Variants in ZNF423 observed in about 807,000 individuals in gnomAD.
The protein encoded by ZNF423 is Ebf-associated zinc finger protein.
Under a neutral mutation model 95.8 loss-of-function variants are expected in ZNF423, and 12 were observed. The observed-to-expected ratio is 0.13, with a 90% CI of 0.08 to 0.20. The LOEUF is 0.20. Ranked by LOEUF, ZNF423 falls within the 10% of genes least tolerant of loss-of-function variation. ZNF423 has a pLI of 1.00. For synonymous variants in ZNF423, 749 were observed against 711.9 expected (o/e 1.05, Z -0.83); for missense variants, 1,316 against 1,737.1 (o/e 0.76, Z 4.31).
chr16:49,574,697 GCCAGCTGCAC>G (rs1970443736), intron 5 of ZNF423, among the ~76,000 whole-genome samples: 1 of 151,128 alleles, frequency 6.6e-6, no homozygotes, highest in Admixed American at 6.6e-5. Flanking sequence ...TCCGCCTACA[GCCAGCTGCAC>G]TCCAGGTCGT....
At chr16:49,518,168 T>C in intron 7 of ZNF423, 1 of 386,276 alleles carries the variant, frequency 2.6e-6, no homozygotes, top group Non-Finnish European at 5.1e-6. Context: ...GATATTTGCA[T>C]CCTTGGAATC....
chr16:49,799,444 A>G (rs559014237), intron 1 of ZNF423, among the ~76,000 whole-genome samples: 2 of 150,184 alleles, frequency 1.3e-5, no homozygotes, highest in Admixed American at 6.7e-5. Context: ...ATGCCCAGCT[A>G]GAGCCACAGA....
chr16:49,631,826 C>T (rs1238733532), intron 4 of ZNF423, among the ~76,000 whole-genome samples: 1 of 152,226 alleles, frequency 6.6e-6, no homozygotes, highest in African/African-American at 2.4e-5. Context: ...CACAAACCCT[C>T]TGCAAGCTCC....
At chr16:49,538,650 C>A (rs1008585850) in intron 5 of ZNF423, among the ~76,000 whole-genome samples, 1 of 152,084 alleles carries the variant, frequency 6.6e-6, no homozygotes, top group African/African-American at 2.4e-5. Flanking sequence ...TTGGCCGCAC[C>A]CAGCTTCCTC....
At chr16:49,772,479 CTGACACA>C (rs1466709392) in intron 2 of ZNF423, among the ~76,000 whole-genome samples, 1 of 152,266 alleles carries the variant, frequency 6.6e-6, no homozygotes, top group Non-Finnish European at 1.5e-5. Context: ...CACACCTGCC[CTGACACA>C]TTGGTCCAAG....
At chr16:49,814,510 G>A (rs547960313) in intron 1 of ZNF423, among the ~76,000 whole-genome samples, 9 of 151,750 alleles carry the variant, frequency 5.9e-5, no homozygotes, top group Admixed American at 1.3e-4. Context: ...GGACAGGATC[G>A]GAGGGCAAGC....
intron 1 of ZNF423, among the ~76,000 whole-genome samples, chr16:49,832,268 G>A (rs530162317): frequency 1.6e-4 from 24 of 152,310 alleles, no homozygotes; most frequent in African/African-American, 5.1e-4. Context: ...CCAGCTGACC[G>A]AGCTGGGCGG....
At chr16:49,571,252 A>C (rs1970346531) in intron 5 of ZNF423, among the ~76,000 whole-genome samples, 1 of 151,942 alleles carries the variant, frequency 6.6e-6, no homozygotes, top group South Asian at 2.1e-4. Flanking sequence ...CAAGCATCAA[A>C]TGTTTACTGT....
chr16:49,854,709 C>T lies in ZNF423; in HGVS notation c.40+1026G>A, dbSNP rs1005440726. 1.7e-5 allele frequency: 17 copies of T among 985,436 alleles called. 1 individual carries two copies. The Middle Eastern group carries it at 4.2e-3, about 242-fold the overall frequency. The allele number at this position is 985,436 out of a possible 1,614,324, so 61.0% of individuals were successfully genotyped here. A position where few individuals can be genotyped will look rare whatever the true frequency, so the allele number is the denominator to read the frequency against. On this transcript the variant is annotated intron_variant, in intron 1 of 7. Transcript: ENST00000563137. ...AAGGCCAGCCGCGGGGAGAGGAGGC[C>T]AGGGGAGGGGCTCTGCTGCCGGCGC...
intron 1 of ZNF423, among the ~76,000 whole-genome samples, chr16:49,795,677 G>A (rs570660794): frequency 1.3e-5 from 2 of 152,306 alleles, no homozygotes; most frequent in East Asian, 3.9e-4. Context: ...GCCCCCACAG[G>A]GATGGAGGGG....
chr16:49,676,902 A>T lies in ZNF423; in HGVS notation c.302-38028T>A, dbSNP rs565345773. Among the ~76,000 whole-genome samples, 135 of 152,268 alleles carry T rather than the reference A, an allele frequency of 8.9e-4. 1 individual carries two copies. The highest frequency in any genetic ancestry group is 3.1e-3 in the African/African-American group (128 of 41,556). On this transcript the variant is annotated intron_variant, in intron 3 of 7. Transcript: ENST00000563137. Reference sequence around the variant, plus strand: ...TGTGGCCCTGGACCAGCAACTCAGCATCACATGAGAGCTTTTTAGAAATGT... The same window carrying T: ...TGTGGCCCTGGACCAGCAACTCAGCTTCACATGAGAGCTTTTTAGAAATGT...
chr16:49,741,584 C>G (rs575459653), intron 2 of ZNF423, among the ~76,000 whole-genome samples: 1 of 152,298 alleles, frequency 6.6e-6, no homozygotes, highest in East Asian at 1.9e-4. Context: ...ATGTTGACTT[C>G]AAGTTTTAAG....
At chr16:49,690,783 G>C (rs776994002) in intron 3 of ZNF423, among the ~76,000 whole-genome samples, 2 of 152,132 alleles carry the variant, frequency 1.3e-5, no homozygotes, top group African/African-American at 4.8e-5. Context: ...AGGTACCCCC[G>C]AGCGCTCCCA....
intron 2 of ZNF423, among the ~76,000 whole-genome samples, chr16:49,776,365 C>G (rs1372071454): frequency 6.6e-6 from 1 of 152,236 alleles, no homozygotes; most frequent in Non-Finnish European, 1.5e-5. Flanking sequence ...CCAAGCTGGC[C>G]AGGAGCCCCA....
chr16:49,587,310 T>G (rs980877932), intron 5 of ZNF423, among the ~76,000 whole-genome samples: 4 of 152,196 alleles, frequency 2.6e-5, no homozygotes, highest in Non-Finnish European at 5.9e-5. Context: ...GAAGTGCCAC[T>G]GACCCTGCAT....
chr16:49,808,608 G>A (rs942598760), intron 1 of ZNF423, among the ~76,000 whole-genome samples: 1 of 152,116 alleles, frequency 6.6e-6, no homozygotes, highest in South Asian at 2.1e-4. Flanking sequence ...GCCCACTGGA[G>A]TTCAGCAAGG....
At chr16:49,515,287 C>T (rs886074110) in intron 7 of ZNF423, among the ~76,000 whole-genome samples, 9 of 152,246 alleles carry the variant, frequency 5.9e-5, no homozygotes, top group Non-Finnish European at 1.3e-4. Flanking sequence ...TTTCTTGCAT[C>T]CCCTGTTACT....
At chr16:49,811,945 C>T (rs2034760472) in intron 1 of ZNF423, among the ~76,000 whole-genome samples, 1 of 152,244 alleles carries the variant, frequency 6.6e-6, no homozygotes, top group Non-Finnish European at 1.5e-5. Context: ...ATGGATGCCA[C>T]AGGGGCAGAG....
intron 5 of ZNF423, among the ~76,000 whole-genome samples, chr16:49,570,048 G>C (rs1324083124): frequency 6.6e-6 from 1 of 152,178 alleles, no homozygotes; most frequent in Non-Finnish European, 1.5e-5. Context: ...TGCCTGCTCT[G>C]AGCTATGGAC....
Sources: allele counts gnomAD v4.1 joint callset (sites outside exome capture counted in the v4.1 genomes callset), GRCh38; gene constraint gnomAD v4.1.1; transcripts MANE v1.5; gene names NCBI Gene and HGNC (gene_info 2026-07-23, HGNC 2026-07-21).